Variants in PCDH11Y observed in about 807,000 individuals in gnomAD.
PCDH11Y encodes protocadherin-11 Y-linked.
For missense variants in PCDH11Y, 12 were observed against 224.8 expected, an observed-to-expected ratio of 0.05 and a Z score of 6.05; for synonymous variants, 9 against 83.6, an observed-to-expected ratio of 0.11 and a Z score of 4.87.
intron 2 of PCDH11Y, among the ~76,000 whole-genome samples, chrY:5,481,019 A>G (rs2053325227): frequency 1.7e-3 from 57 of 32,707 alleles, no homozygotes; most frequent in African/African-American, 6.5e-3. Flanking sequence ...GAGACCACTT[A>G]GCTCCCTGGC....
At chrY:5,246,656 T>C in intron 2 of PCDH11Y, among the ~76,000 whole-genome samples, 1 of 33,449 alleles carries the variant, frequency 3.0e-5, no homozygotes, top group Non-Finnish European at 7.4e-5. Context: ...AATGACACTA[T>C]AAAGAAACTG....
At chrY:5,238,309 A>C (rs2052980731) in intron 2 of PCDH11Y, among the ~76,000 whole-genome samples, 1 of 33,606 alleles carries the variant, frequency 3.0e-5, no homozygotes, top group African/African-American at 1.2e-4. Context: ...CCTGACAAAA[A>C]CAAGCAATGG....
chrY:5,016,215 G>T, intron 1 of PCDH11Y, among the ~76,000 whole-genome samples: 1 of 33,328 alleles, frequency 3.0e-5, no homozygotes, highest in Non-Finnish European at 7.4e-5. Flanking sequence ...GCTATGAACA[G>T]TTACACCTAC....
intron 2 of PCDH11Y, among the ~76,000 whole-genome samples, chrY:5,222,742 C>T: frequency 3.2e-5 from 1 of 31,690 alleles, no homozygotes; most frequent in South Asian, 7.2e-4. Flanking sequence ...AGTGATCTGC[C>T]CACCTCGGCC....
intron 2 of PCDH11Y, among the ~76,000 whole-genome samples, chrY:5,150,656 C>T: frequency 5.9e-5 from 2 of 33,699 alleles, no homozygotes; most frequent in Non-Finnish European, 1.5e-4. Context: ...CACACACACT[C>T]GCTTTATGTT....
Position 5,199,529 on chromosome Y carries a change from C to T in PCDH11Y, c.3129+98822C>T, listed in dbSNP as rs2052924885. ...CTCTCACTCCTGAACTCAGGTGATC[C>T]GCCTGCCTCGGCCTCCCAAAGTGCT... On this transcript the variant is annotated intron_variant, in intron 2 of 4. Coordinates refer to the PCDH11Y transcript ENST00000400457. Among the ~76,000 whole-genome samples, 7 of 32,368 alleles carry T rather than the reference C, an allele frequency of 2.2e-4. No homozygotes were observed. The South Asian group carries it at 2.2e-3, about 10-fold the overall frequency. 86.8% of individuals were successfully genotyped at this position (32,368 alleles called of 37,273 possible).
intron 2 of PCDH11Y, among the ~76,000 whole-genome samples, chrY:5,127,981 A>G: frequency 3.0e-5 from 1 of 33,661 alleles, no homozygotes; most frequent in African/African-American, 1.2e-4. Flanking sequence ...CATAATTTCT[A>G]TGTACATTAA....
At chrY:5,488,780 G>A (rs2053335835) in intron 2 of PCDH11Y, among the ~76,000 whole-genome samples, 2 of 33,350 alleles carry the variant, frequency 6.0e-5, no homozygotes, top group Non-Finnish European at 1.5e-4. Flanking sequence ...ACCATTGAAT[G>A]CACTTCAGAA....
At chrY:5,384,628 C>G (rs2124674773) in intron 2 of PCDH11Y, among the ~76,000 whole-genome samples, 2 of 28,256 alleles carry the variant, frequency 7.1e-5, no homozygotes, top group South Asian at 8.4e-4. Context: ...GTGTCAAAAA[C>G]CAAATTACAA....
downstream of PCDH11Y, among the ~76,000 whole-genome samples, chrY:5,109,339 G>C: frequency 3.0e-5 from 1 of 33,645 alleles, no homozygotes; most frequent in African/African-American, 1.2e-4. Context: ...ATACACATTT[G>C]TTGTAGAAAA....
chrY:5,715,383 T>C, intron 4 of PCDH11Y, among the ~76,000 whole-genome samples: 1 of 32,500 alleles, frequency 3.1e-5, no homozygotes, highest in Non-Finnish European at 7.5e-5. Flanking sequence ...TGTTTTTCCA[T>C]CTCTGTGACC....
At chrY:5,164,788 G>A in intron 2 of PCDH11Y, among the ~76,000 whole-genome samples, 1 of 32,903 alleles carries the variant, frequency 3.0e-5, no homozygotes, top group Non-Finnish European at 7.5e-5. Context: ...CAGATCATCA[G>A]GTTTGATAAA....
chrY:5,241,918 A>G, intron 2 of PCDH11Y, among the ~76,000 whole-genome samples: 1 of 31,852 alleles, frequency 3.1e-5, no homozygotes, highest in African/African-American at 1.2e-4. Context: ...AAAATTAAAA[A>G]TTATGAAAAA....
chrY:5,031,212 C>T (rs2124621530), intron 1 of PCDH11Y: 1 of 30,906 alleles, frequency 3.2e-5, no homozygotes, highest in Admixed American at 3.1e-4. Context: ...TTTATCATTG[C>T]AGAAAGTTCT....
chrY:5,407,122 A>G, intron 2 of PCDH11Y, among the ~76,000 whole-genome samples: 1 of 32,739 alleles, frequency 3.1e-5, no homozygotes, highest in Admixed American at 2.9e-4. Flanking sequence ...GAATTATTCA[A>G]TTCCTTCAAT....
intron 2 of PCDH11Y, among the ~76,000 whole-genome samples, chrY:5,406,590 A>T: frequency 3.0e-5 from 1 of 33,833 alleles, no homozygotes; most frequent in Non-Finnish European, 7.3e-5. Flanking sequence ...AGAACAGAAC[A>T]TTCATAAATT....
intron 2 of PCDH11Y, among the ~76,000 whole-genome samples, chrY:5,402,844 G>A: frequency 3.3e-5 from 1 of 30,737 alleles, no homozygotes; most frequent in African/African-American, 1.3e-4. Flanking sequence ...ATAAATTCCA[G>A]ACTTAAAATA....
At chrY:5,332,987 G>T in intron 2 of PCDH11Y, among the ~76,000 whole-genome samples, 1 of 33,127 alleles carries the variant, frequency 3.0e-5, no homozygotes, top group Admixed American at 2.8e-4. Context: ...TCATTCTGAG[G>T]TTAGTTTTCA....
chrY:5,072,784 TTAAAA>T (rs2052702212), intron 1 of PCDH11Y, among the ~76,000 whole-genome samples: 16 of 33,725 alleles, frequency 4.7e-4, no homozygotes, highest in Admixed American at 3.2e-3. Context: ...TAGATGTAAG[TTAAAA>T]TAAACATAAA....
Sources: allele counts gnomAD v4.1 joint callset (sites outside exome capture counted in the v4.1 genomes callset), GRCh38; gene constraint gnomAD v4.1.1; transcripts MANE v1.5; gene names NCBI Gene and HGNC (gene_info 2026-07-23, HGNC 2026-07-21).